The following CTNNA3 variants were observed in gnomAD, a reference collection of about 807,000 sequenced individuals.
CTNNA3 encodes catenin alpha 3, also known as catenin alpha-3.
A neutral mutation model predicts 95.7 loss-of-function variants in CTNNA3; 76 were observed. That is an observed-to-expected ratio of 0.79 (90% CI 0.66 to 0.96). The LOEUF (loss-of-function observed/expected upper bound fraction) is 0.96. Ranked by LOEUF, CTNNA3 falls within the 40% of genes least tolerant of loss-of-function variation. The pLI, the probability that CTNNA3 is intolerant of heterozygous loss-of-function variation, is 0.00. For missense variants in CTNNA3, 1,191 were observed against 1,089.8 expected, an observed-to-expected ratio of 1.09 and a Z score of -1.31; for synonymous variants, 431 against 374.4, an observed-to-expected ratio of 1.15 and a Z score of -1.74.
At chr10:67,299,261 G>A (rs1348389480) in intron 5 of CTNNA3, among the ~76,000 whole-genome samples, 2 of 151,794 alleles carry the variant, frequency 1.3e-5, no homozygotes, top group Non-Finnish European at 2.9e-5. Flanking sequence ...GCTTCTGCTT[G>A]GCCCTTTCTT....
chr10:66,970,031 A>C (rs945116540), intron 7 of CTNNA3, among the ~76,000 whole-genome samples: 2 of 152,176 alleles, frequency 1.3e-5, no homozygotes, highest in Non-Finnish European at 2.9e-5. Flanking sequence ...ACTTGGAGTC[A>C]AGGCGAGTTC....
At chr10:66,768,758 A>T (rs927294328) in intron 8 of CTNNA3, among the ~76,000 whole-genome samples, 4 of 140,630 alleles carry the variant, frequency 2.8e-5, no homozygotes, top group Non-Finnish European at 6.1e-5. Context: ...AAACATTACA[A>T]TAAAGAAAAA....
intron 3 of CTNNA3, among the ~76,000 whole-genome samples, chr10:67,581,867 C>T (rs1030617390): frequency 1.3e-5 from 2 of 152,154 alleles, no homozygotes; most frequent in Non-Finnish European, 2.9e-5. Flanking sequence ...ATAGTATTCT[C>T]TGATGGTAGT....
chr10:66,876,323 T>G (rs748755340), intron 7 of CTNNA3, among the ~76,000 whole-genome samples: 3 of 152,118 alleles, frequency 2.0e-5, no homozygotes, highest in Admixed American at 1.3e-4. Flanking sequence ...TCACTAACTC[T>G]CCTAGGAAAT....
chr10:66,619,495 A>G (rs1005968266), intron 10 of CTNNA3, among the ~76,000 whole-genome samples: 1 of 108,738 alleles, frequency 9.2e-6, no homozygotes, highest in African/African-American at 3.0e-5. Flanking sequence ...TCTCACTCAC[A>G]GGTGGGAATT....
At chr10:66,199,806 T>TATATGTA (rs1554887153) in intron 13 of CTNNA3, among the ~76,000 whole-genome samples, 1 of 9,042 alleles carries the variant, frequency 1.1e-4, no homozygotes, top group Non-Finnish European at 1.8e-4. Context: ...TATATATATA[T>TATATGTA]TTTTTTTTTT....
chr10:67,682,741 T>C (rs1840651615), intron 1 of CTNNA3, among the ~76,000 whole-genome samples: 1 of 152,166 alleles, frequency 6.6e-6, no homozygotes, highest in Admixed American at 6.5e-5. Context: ...ATTCTAAGGA[T>C]ACACTCAAAA....
intron 7 of CTNNA3, among the ~76,000 whole-genome samples, chr10:66,966,485 A>T (rs983732526): frequency 2.0e-5 from 3 of 150,574 alleles, no homozygotes; most frequent in Non-Finnish European, 3.0e-5. Flanking sequence ...TATGTAATAT[A>T]TTTTTTTTTT....
intron 5 of CTNNA3, among the ~76,000 whole-genome samples, chr10:67,410,491 T>G (rs1216824648): frequency 6.6e-6 from 1 of 152,034 alleles, no homozygotes; most frequent in African/African-American, 2.4e-5. Flanking sequence ...GCACAACCTG[T>G]ACATGTACCC....
intron 12 of CTNNA3, among the ~76,000 whole-genome samples, chr10:66,306,717 CCCTTGCCAG>C (rs2091939837): frequency 6.6e-6 from 1 of 152,068 alleles, no homozygotes; most frequent in South Asian, 2.1e-4. Context: ...TACTTGTCTG[CCCTTGCCAG>C]ACAGATAGCA....
intron 4 of CTNNA3, among the ~76,000 whole-genome samples, chr10:67,524,606 T>C (rs1397909438): frequency 1.3e-5 from 2 of 152,166 alleles, no homozygotes; most frequent in African/African-American, 2.4e-5. Context: ...CCTCCATTTA[T>C]TGATAATAAA....
intron 13 of CTNNA3, among the ~76,000 whole-genome samples, chr10:66,165,369 A>T (rs942384499): frequency 6.6e-6 from 1 of 152,118 alleles, no homozygotes; most frequent in Non-Finnish European, 1.5e-5. Context: ...CATACTCACT[A>T]CCTGGGTGAA....
At chr10:67,568,971 G>T (rs748719409) in intron 3 of CTNNA3, among the ~76,000 whole-genome samples, 9 of 152,020 alleles carry the variant, frequency 5.9e-5, no homozygotes, top group Non-Finnish European at 1.2e-4. Context: ...TTTCAACTTG[G>T]TATAGCATGC....
chr10:66,032,610 A>G (rs1352202501), intron 15 of CTNNA3, among the ~76,000 whole-genome samples: 1 of 152,174 alleles, frequency 6.6e-6, no homozygotes, highest in Non-Finnish European at 1.5e-5. Context: ...TGTATGTTGT[A>G]TGCCAGATAT....
intron 5 of CTNNA3, among the ~76,000 whole-genome samples, chr10:67,242,619 T>A (rs1451412771): frequency 6.6e-6 from 1 of 152,218 alleles, no homozygotes. Context: ...TCTAATATAC[T>A]AGCACAGATG....
At chr10:67,309,954 G>A (rs1397564216) in intron 5 of CTNNA3, among the ~76,000 whole-genome samples, 1 of 152,106 alleles carries the variant, frequency 6.6e-6, no homozygotes, top group African/African-American at 2.4e-5. Flanking sequence ...TATTAAAGGA[G>A]CAACTAAATA....
chr10:66,000,996 A>G (rs2078759173), intron 15 of CTNNA3, among the ~76,000 whole-genome samples: 1 of 152,174 alleles, frequency 6.6e-6, no homozygotes, highest in Non-Finnish European at 1.5e-5. Context: ...GATGGGCATT[A>G]CCATGAATGC....
intron 7 of CTNNA3, among the ~76,000 whole-genome samples, chr10:67,162,430 G>C (rs897720985): frequency 7.2e-5 from 11 of 151,810 alleles, no homozygotes; most frequent in African/African-American, 2.4e-4. Flanking sequence ...TAGTCACAAA[G>C]AGTGTGTTCT....
chr10:66,629,026 A>G (rs753334636), intron 9 of CTNNA3, among the ~76,000 whole-genome samples: 1 of 152,136 alleles, frequency 6.6e-6, no homozygotes, highest in African/African-American at 2.4e-5. Flanking sequence ...TACTCCTTCA[A>G]TGAGACTTAG....
Sources: allele counts gnomAD v4.1 joint callset (sites outside exome capture counted in the v4.1 genomes callset), GRCh38; gene constraint gnomAD v4.1.1; transcripts MANE v1.5; gene names NCBI Gene and HGNC (gene_info 2026-07-23, HGNC 2026-07-21).